The following PTPN14 variants were observed in gnomAD, a reference collection of about 807,000 sequenced individuals.
PTPN14 encodes tyrosine-protein phosphatase non-receptor type 14.
A neutral mutation model predicts 126.8 loss-of-function variants in PTPN14; 53 were observed. The observed-to-expected ratio is 0.42, with a 90% CI of 0.34 to 0.53. PTPN14 has a LOEUF of 0.53. Ranked by LOEUF, PTPN14 falls within the 20% of genes least tolerant of loss-of-function variation. The pLI is 0.08. For synonymous variants in PTPN14, 630 were observed against 599.3 expected, an observed-to-expected ratio of 1.05 and a Z score of -0.75; for missense variants, 1,257 against 1,552.9, an observed-to-expected ratio of 0.81 and a Z score of 3.20.
At chr1:214,436,260 G>A (rs957558650) in intron 3 of PTPN14, among the ~76,000 whole-genome samples, 3 of 152,132 alleles carry the variant, frequency 2.0e-5, no homozygotes, top group African/African-American at 7.2e-5. Context: ...GAGGGTGAGA[G>A]GAGGGTAAGG....
In PTPN14 at chr1:214,384,383, C is replaced by T. The variant is rs775186368; in HGVS notation, c.1472G>A (p.Arg491Gln). Reference protein sequence around the residue: ...EDLVYSQPEMRERHPYTVPYG... With the variant: ...EDLVYSQPEMQERHPYTVPYG... ...AGGGACAGTGTAGGGGTGCCTCTCC[C>T]GCATCTCCGGTTGGCTGTACACCAG... The change falls in exon 13 of 19, where the codon CGG becomes CAG. Residue 491 changes from arginine (R) to glutamine (Q), a missense_variant. Arg to Gln is a conservative substitution (Grantham distance 43). Around this residue, in one of 3 missense-constraint regions of PTPN14, gnomAD observed 1,021 missense variants for 1,183.3 expected, o/e 0.86. Coordinates refer to ENST00000366956, the MANE Select transcript of PTPN14 (RefSeq NM_005401.5). The surrounding 1 kb of genome is among the most constrained non-coding windows in gnomAD (Gnocchi z 5.3). 16 of 1,614,036 alleles carry T rather than the reference C, an allele frequency of 9.9e-6. No homozygotes were observed. Among genetic ancestry groups the T allele is most frequent in the African/African-American group, 8.0e-5 (6 of 74,904 alleles).
At chr1:214,369,391 C>A (rs1419068972) in intron 17 of PTPN14, 66 bp downstream of exon 17, 6 of 1,439,116 alleles carry the variant, frequency 4.2e-6, no homozygotes, top group African/African-American at 2.8e-5. Context: ...TCATCTCCAA[C>A]AGATGAATTA....
chr1:214,442,888 A>G (rs759224225), intron 3 of PTPN14, among the ~76,000 whole-genome samples: 1 of 149,014 alleles, frequency 6.7e-6, no homozygotes, highest in Non-Finnish European at 1.5e-5. Flanking sequence ...CTATGGTGCG[A>G]TCTCCGCTCA....
chr1:214,452,939 C>T (rs1404284400), intron 2 of PTPN14, among the ~76,000 whole-genome samples: 1 of 152,150 alleles, frequency 6.6e-6, no homozygotes, highest in African/African-American at 2.4e-5. Context: ...CATTCTTATG[C>T]TGATGTTCCC....
Position 214,378,045 on chromosome 1 carries a change from C to A in PTPN14, c.2602G>T (p.Ala868Ser), listed in dbSNP as rs1658384837. The change falls in exon 14 of 19, where the codon GCA becomes TCA. Residue 868 changes from alanine (A) to serine (S), a missense_variant. Around this residue, in one of 3 missense-constraint regions of PTPN14, gnomAD observed 1,021 missense variants for 1,183.3 expected, o/e 0.86. Coordinates refer to ENST00000366956, the MANE Select transcript of PTPN14 (RefSeq NM_005401.5). ...LEAQKRPLML[A>S]ALNGLSVARV... ...GCCACCGAGAGCCCATTCAATGCTG[C>A]CAACATCAGCGGCCTCTTCTGTGCC... 6.2e-7 allele frequency: 1 copy of A among 1,612,878 alleles called. No individual in the cohort carries two copies. Among genetic ancestry groups the A allele is most frequent in the African/African-American group, 1.3e-5 (1 of 75,018 alleles).
chr1:214,451,139 GGTTTTT>G (rs1184735160), intron 3 of PTPN14, among the ~76,000 whole-genome samples: 13 of 144,268 alleles, frequency 9.0e-5, no homozygotes, highest in South Asian at 4.5e-4. Context: ...AACAGAATTA[GGTTTTT>G]GTTTTTGTTT....
At chr1:214,461,633 TGG>T (rs113981589) in intron 2 of PTPN14, among the ~76,000 whole-genome samples, 124,015 of 150,026 alleles carry the variant, frequency 0.83, 51,291 homozygotes, top group African/African-American at 0.89. Flanking sequence ...CTGTCTCAAC[TGG>T]AAAAAAAAAA....
intron 1 of PTPN14, chr1:214,531,415 A>AT (rs1236331077): frequency 6.6e-6 from 1 of 151,832 alleles, no homozygotes; most frequent in East Asian, 1.9e-4. Context: ...TTTCTCCGCC[A>AT]AATGAGGGAG....
intron 7 of PTPN14, among the ~76,000 whole-genome samples, chr1:214,398,417 T>C (rs865868144): frequency 1.3e-5 from 2 of 152,154 alleles, no homozygotes; most frequent in Non-Finnish European, 2.9e-5. Context: ...ATTGTGACCA[T>C]AGCATAGTTA....
Position 214,369,686 on chromosome 1 carries a change from A to C in PTPN14, c.3042T>G (p.Gly1014=). ...AGTATCGGTGGCTTTTGGTTCGTCC[A>C]CCCTCCTAAATCACATATAAAAGCA... is the stretch of plus-strand genomic sequence containing the variant. ...VIAMVTAEEE[G]GRTKSHRYWP... Residue 1014 remains glycine, a synonymous_variant, in exon 17 of 19, where the codon GGT becomes GGG. Transcript: ENST00000366956. 1 of 1,614,084 alleles carries C rather than the reference A, an allele frequency of 6.2e-7. No homozygotes were observed. Among genetic ancestry groups the C allele is most frequent in the Non-Finnish European group, 8.5e-7 (1 of 1,179,962 alleles).
intron 5 of PTPN14, among the ~76,000 whole-genome samples, chr1:214,405,380 G>C (rs570273331): frequency 1.2e-4 from 18 of 152,206 alleles, no homozygotes; most frequent in African/African-American, 4.3e-4. Context: ...GGCTCCTCGA[G>C]GGCAGCAATT....
chr1:214,433,642 G>A (rs1242293447), intron 3 of PTPN14, among the ~76,000 whole-genome samples: 6 of 151,846 alleles, frequency 4.0e-5, no homozygotes, highest in Admixed American at 2.6e-4. Context: ...ATAAATATAC[G>A]CTTAAGAAAA....
chr1:214,506,283 T>C (rs916663583), intron 1 of PTPN14, among the ~76,000 whole-genome samples: 10 of 152,148 alleles, frequency 6.6e-5, no homozygotes, highest in South Asian at 2.1e-4. Flanking sequence ...AGTGGGAGGA[T>C]TGCTCGAGGT....
chr1:214,541,820 G>A (rs927614633), intron 1 of PTPN14, among the ~76,000 whole-genome samples: 2 of 152,130 alleles, frequency 1.3e-5, no homozygotes, highest in Non-Finnish European at 2.9e-5. Flanking sequence ...ATTGTGCTGA[G>A]TGAGCTCCTG....
At chr1:214,534,721 A>AATAAATAAATAAATAC (rs1175749899) in intron 1 of PTPN14, among the ~76,000 whole-genome samples, 3 of 149,624 alleles carry the variant, frequency 2.0e-5, no homozygotes, top group Non-Finnish European at 3.0e-5. Context: ...TCAATAAATA[A>AATAAATAAATAAATAC]ATAAATAAAT....
intron 17 of PTPN14, among the ~76,000 whole-genome samples, chr1:214,367,799 C>T (rs914500325): frequency 2.6e-5 from 4 of 152,160 alleles, no homozygotes; most frequent in African/African-American, 7.2e-5. Flanking sequence ...CATCTTTGGA[C>T]GATGATGACT....
chr1:214,479,397 T>C (rs560799103), intron 1 of PTPN14, among the ~76,000 whole-genome samples: 15 of 149,372 alleles, frequency 1.0e-4, no homozygotes, highest in African/African-American at 3.0e-4. Flanking sequence ...TGGAGTGCAA[T>C]GGCGTGATCT....
intron 15 of PTPN14, among the ~76,000 whole-genome samples, chr1:214,373,229 A>T (rs1358680021): frequency 6.6e-6 from 1 of 151,950 alleles, no homozygotes; most frequent in Non-Finnish European, 1.5e-5. Flanking sequence ...TAATTTTTGT[A>T]TTTTTGTAGA....
chr1:214,379,464 C>T (rs1434397198), intron 13 of PTPN14, among the ~76,000 whole-genome samples: 1 of 152,036 alleles, frequency 6.6e-6, no homozygotes, highest in Admixed American at 6.5e-5. Context: ...GATGCCTATC[C>T]TGGTGGCAGC....
Sources: gnomAD v4.1 joint callset for allele counts (sites outside exome capture counted in the v4.1 genomes callset) on GRCh38, gnomAD v4.1.1 for gene constraint, gnomAD v4.1.1 regional missense constraint, Gnocchi (gnomAD v3.1) non-coding constraint, MANE v1.5 for transcripts, NCBI Gene and HGNC (gene_info 2026-07-23, HGNC 2026-07-21) for gene names.